ABCA13: variants seen among roughly 807,000 people sequenced by gnomAD.
ABCA13 encodes the protein ATP-binding cassette sub-family A member 13.
ABCA13 carries 476 observed loss-of-function variants against 478.7 expected under a neutral mutation model. The ratio of observed to expected loss-of-function variants is 0.99; its 90% CI spans 0.92 to 1.07. The LOEUF is 1.07. Ranked by LOEUF, ABCA13 falls within the 50% of genes least tolerant of loss-of-function variation. The probability of loss-of-function intolerance (pLI) is 0.00; values close to 1 mark genes in which losing one functional copy is unlikely to be tolerated. For missense variants in ABCA13, 6,060 were observed against 5,910.6 expected (o/e 1.03, Z -0.83); for synonymous variants, 2,252 against 2,158.9 (o/e 1.04, Z -1.20).
At chr7:48,381,461 T>G (rs1035519652) in intron 35 of ABCA13, among the ~76,000 whole-genome samples, 1 of 152,086 alleles carries the variant, frequency 6.6e-6, no homozygotes, top group Non-Finnish European at 1.5e-5. Flanking sequence ...AAAGTGACCC[T>G]GTGAGTATGA....
At chr7:48,375,572 C>A (rs975189154) in intron 34 of ABCA13, among the ~76,000 whole-genome samples, 4 of 152,020 alleles carry the variant, frequency 2.6e-5, no homozygotes, top group African/African-American at 9.7e-5. Flanking sequence ...AAATTCTAAA[C>A]CAGAACAGAC....
intron 15 of ABCA13, among the ~76,000 whole-genome samples, chr7:48,251,775 T>C (rs1792603985): frequency 6.6e-6 from 1 of 152,108 alleles, no homozygotes; most frequent in Admixed American, 6.5e-5. Flanking sequence ...GATTTTCTTA[T>C]TTTCTAATAG....
intron 39 of ABCA13, among the ~76,000 whole-genome samples, chr7:48,409,236 G>A (rs1004851561): frequency 6.6e-6 from 1 of 152,198 alleles, no homozygotes. Context: ...CCAATAGGGA[G>A]TGTCGAAGCT....
At chr7:48,545,845 T>C (rs1426360126) in intron 55 of ABCA13, among the ~76,000 whole-genome samples, 1 of 151,564 alleles carries the variant, frequency 6.6e-6, no homozygotes, top group East Asian at 1.9e-4. Flanking sequence ...ATAAAAAATA[T>C]GAAAATGAAA....
chr7:48,230,131 C>T (rs1025608003), intron 7 of ABCA13, among the ~76,000 whole-genome samples, 176 bp downstream of exon 7: 3 of 152,116 alleles, frequency 2.0e-5, no homozygotes, highest in African/African-American at 7.2e-5. Flanking sequence ...ATTTTGAACT[C>T]GAAACTGAAT....
chr7:48,297,445 G>A (rs2128837932), intron 22 of ABCA13, 134 bp downstream of exon 22: 1 of 889,766 alleles, frequency 1.1e-6, no homozygotes, highest in Non-Finnish European at 1.7e-6. Flanking sequence ...AACTTGGCTG[G>A]TATGATGTAT....
At chr7:48,537,207 T>C (rs1833641726) in intron 55 of ABCA13, among the ~76,000 whole-genome samples, 1 of 152,224 alleles carries the variant, frequency 6.6e-6, no homozygotes, top group Admixed American at 6.5e-5. Context: ...TTTCTCAATC[T>C]AGTTTTGTTG....
chr7:48,411,698 A>G (rs62447270), intron 40 of ABCA13, among the ~76,000 whole-genome samples: 29,629 of 152,108 alleles, frequency 0.19, 3,278 homozygotes, highest in East Asian at 0.23. Flanking sequence ...GAGCAAGTGG[A>G]GTCTGGCCCG....
chr7:48,216,462 G>C (rs894101396), intron 3 of ABCA13, among the ~76,000 whole-genome samples: 1 of 152,038 alleles, frequency 6.6e-6, no homozygotes, highest in Non-Finnish European at 1.5e-5. Flanking sequence ...TTATAAAGTT[G>C]TAAGAATTCT....
chr7:48,443,081 G>A (rs1585343521), intron 42 of ABCA13, among the ~76,000 whole-genome samples: 1 of 152,174 alleles, frequency 6.6e-6, no homozygotes, highest in African/African-American at 2.4e-5. Flanking sequence ...CACACATAGA[G>A]ATAAAACCAT....
At chr7:48,480,148 C>T (rs1256893653) in intron 45 of ABCA13, among the ~76,000 whole-genome samples, 6 of 152,178 alleles carry the variant, frequency 3.9e-5, no homozygotes, top group Admixed American at 2.0e-4. Flanking sequence ...AGACTCCAGA[C>T]GTCTTATCCA....
intron 31 of ABCA13, among the ~76,000 whole-genome samples, chr7:48,357,598 C>A (rs1340170266): frequency 6.6e-6 from 1 of 151,988 alleles, no homozygotes; most frequent in African/African-American, 2.4e-5. Flanking sequence ...TTTCCCTCAA[C>A]AGCAGCAAAG....
At chr7:48,472,938 G>T (rs1827666959) in intron 45 of ABCA13, among the ~76,000 whole-genome samples, 2 of 152,178 alleles carry the variant, frequency 1.3e-5, no homozygotes, top group Admixed American at 1.3e-4. Flanking sequence ...GCAATTAACA[G>T]AAGAAAGAGG....
At chr7:48,594,503 G>T (rs541211348) in intron 57 of ABCA13, among the ~76,000 whole-genome samples, 1 of 152,054 alleles carries the variant, frequency 6.6e-6, no homozygotes, top group Non-Finnish European at 1.5e-5. Flanking sequence ...CATGGCTGGA[G>T]GAGTCAGGCC....
chr7:48,570,319 C>CTTTTTTTTTT (rs35693419), intron 55 of ABCA13, among the ~76,000 whole-genome samples: 12 of 88,212 alleles, frequency 1.4e-4, no homozygotes, highest in African/African-American at 3.5e-4. Context: ...TTTGCATCCT[C>CTTTTTTTTTT]TTTTTTTTTT....
chr7:48,427,758 T>C lies in ABCA13; in HGVS notation c.12460-8T>C, dbSNP rs13233421. The C allele has an allele frequency of 0.29, 467,066 of 1,590,994 alleles. 70,191 individuals are homozygous for C. The highest frequency in any genetic ancestry group is 0.42 in the East Asian group (18,568 of 44,678). On this transcript the variant is annotated splice_region_variant and splice_polypyrimidine_tract_variant and intron_variant, in intron 41 of 61. Transcript: ENST00000435803. Reference sequence around the variant, plus strand: ...AAATAATACATGGCGTTTTTTTTTCTCCGAAAGGTGTTTTTGATGCTTTTG... The same window carrying C: ...AAATAATACATGGCGTTTTTTTTTCCCCGAAAGGTGTTTTTGATGCTTTTG...
intron 1 of ABCA13, among the ~76,000 whole-genome samples, chr7:48,188,101 T>C (rs1401169540): frequency 6.6e-6 from 1 of 152,154 alleles, no homozygotes; most frequent in Non-Finnish European, 1.5e-5. Context: ...GCTCTAATCA[T>C]CTATAGAAGG....
intron 1 of ABCA13, among the ~76,000 whole-genome samples, chr7:48,175,480 G>A (rs1794712761): frequency 6.6e-6 from 1 of 152,160 alleles, no homozygotes; most frequent in Non-Finnish European, 1.5e-5. Flanking sequence ...GAGTGCAATG[G>A]TGTGATCTCG....
At position 48,281,323 on chromosome 7, in the gene ABCA13, G is replaced by A. The variant is rs1484995982; in HGVS notation, c.8727-20G>A. The A allele has an allele frequency of 1.3e-6, 2 of 1,569,568 alleles. No individual in the cohort carries two copies. The highest frequency in any genetic ancestry group is 1.9e-5 in the Admixed American group (1 of 53,484). ...CACATTTTTACCCTTTTATGTCATT[G>A]TATATATTTTTTTGCTAAGTGTTGT... is the stretch of plus-strand genomic sequence containing the variant. On this transcript the variant is annotated intron_variant, in intron 18 of 61. Coordinates refer to ENST00000435803, the MANE Select transcript of ABCA13 (RefSeq NM_152701.5).
Sources: allele counts gnomAD v4.1 joint callset (sites outside exome capture counted in the v4.1 genomes callset), GRCh38; gene constraint gnomAD v4.1.1; transcripts MANE v1.5; gene names NCBI Gene and HGNC (gene_info 2026-07-23, HGNC 2026-07-21).